Variants in CSGALNACT1 observed in about 807,000 individuals in gnomAD.
CSGALNACT1 encodes beta4GalNAcT-1.
A neutral mutation model predicts 51.0 loss-of-function variants in CSGALNACT1; 52 were observed. The observed-to-expected ratio is 1.02, with a 90% confidence interval of 0.82 to 1.29. CSGALNACT1 has a LOEUF of 1.29. Ranked by LOEUF, CSGALNACT1 falls within the 50% of genes most tolerant of loss-of-function variation. The probability of loss-of-function intolerance (pLI) is 0.00; values close to 1 mark genes in which losing one functional copy is unlikely to be tolerated. For synonymous variants in CSGALNACT1, 341 were observed against 254.4 expected (o/e 1.34, Z -3.24); for missense variants, 935 against 679.2 (o/e 1.38, Z -4.19).
intron 1 of CSGALNACT1, among the ~76,000 whole-genome samples, chr8:19,701,173 T>TTTTTTTTTTTTTCA (rs1589591748): frequency 1.3e-5 from 2 of 148,814 alleles, no homozygotes; most frequent in Admixed American, 6.8e-5. Context: ...TTTTTTTTTT[T>TTTTTTTTTTTTTCA]GATACAGAGT....
chr8:19,603,938 C>T (rs557594269), upstream of CSGALNACT1, among the ~76,000 whole-genome samples: 2 of 152,344 alleles, frequency 1.3e-5, no homozygotes, highest in South Asian at 4.1e-4. Flanking sequence ...GTTTTCTCAT[C>T]TACACACAGT....
intron 1 of CSGALNACT1, among the ~76,000 whole-genome samples, chr8:19,751,788 G>A (rs1355553919): frequency 1.3e-5 from 2 of 152,004 alleles, no homozygotes; most frequent in Non-Finnish European, 1.5e-5. Flanking sequence ...TCTCTCTCCT[G>A]TTGCCATGTG....
intron 1 of CSGALNACT1, among the ~76,000 whole-genome samples, chr8:19,611,661 T>C (rs1201770850): frequency 3.9e-5 from 6 of 152,254 alleles, no homozygotes. Context: ...TCTGGCCCTC[T>C]TCTTCATGAA....
chr8:19,566,738 A>G (rs1345557642), intron 3 of CSGALNACT1, among the ~76,000 whole-genome samples: 2 of 152,164 alleles, frequency 1.3e-5, no homozygotes, highest in African/African-American at 4.8e-5. Flanking sequence ...CCCATCTGAA[A>G]ATACAAGATT....
At chr8:19,586,407 GAAA>G (rs34752027) in intron 3 of CSGALNACT1, among the ~76,000 whole-genome samples, 10 of 94,834 alleles carry the variant, frequency 1.1e-4, no homozygotes, top group African/African-American at 2.7e-4. Context: ...TAGTCTTATA[GAAA>G]AAAAAAAAAA....
At chr8:19,445,693 T>C (rs1280604536) in intron 5 of CSGALNACT1, among the ~76,000 whole-genome samples, 5 of 152,220 alleles carry the variant, frequency 3.3e-5, no homozygotes, top group Admixed American at 6.5e-5. Flanking sequence ...CTATCTGTAA[T>C]ATAACTAACA....
intron 1 of CSGALNACT1, among the ~76,000 whole-genome samples, chr8:19,647,652 T>C (rs2057398415): frequency 6.6e-6 from 1 of 152,192 alleles, no homozygotes; most frequent in Non-Finnish European, 1.5e-5. Context: ...TAAAATTCAA[T>C]GGCTGCATAA....
intron 1 of CSGALNACT1, among the ~76,000 whole-genome samples, chr8:19,697,941 G>C (rs972263610): frequency 6.6e-6 from 1 of 152,166 alleles, no homozygotes; most frequent in Non-Finnish European, 1.5e-5. Flanking sequence ...GAAGCAAGGA[G>C]GAAGATCAAG....
Position 19,653,731 on chromosome 8 carries a change from C to T in CSGALNACT1, c.-544+28742G>A, listed in dbSNP as rs371634215. Among the ~76,000 whole-genome samples the T allele has an allele frequency of 5.3e-5, 8 of 151,764 alleles. No individual in the cohort carries two copies. In the East Asian group the frequency reaches 1.6e-3, roughly 29 times the overall value. ...ATTGCTTAAGCCCAGGGGATCAAGG[C>T]TACAATCGGTGAACCGTGATTTTGC... On this transcript the variant is annotated intron_variant, in intron 1 of 9. Coordinates refer to the CSGALNACT1 transcript ENST00000332246.
At chr8:19,570,355 T>C (rs920180815) in intron 3 of CSGALNACT1, among the ~76,000 whole-genome samples, 3 of 152,184 alleles carry the variant, frequency 2.0e-5, no homozygotes, top group African/African-American at 7.2e-5. Context: ...GCTTGAACAC[T>C]TGAAAGGATT....
intron 4 of CSGALNACT1, among the ~76,000 whole-genome samples, chr8:19,486,146 A>C (rs987148050): frequency 5.3e-5 from 8 of 152,036 alleles, no homozygotes; most frequent in Non-Finnish European, 1.0e-4. Flanking sequence ...AACAAAAAAA[A>C]CAGCCACAGA....
intron 1 of CSGALNACT1, among the ~76,000 whole-genome samples, chr8:19,680,772 C>A (rs1383474526): frequency 6.6e-6 from 1 of 152,080 alleles, no homozygotes. Flanking sequence ...AATGTACTCA[C>A]ACAAACCTAC....
At chr8:19,548,555 C>G (rs183825984) in intron 3 of CSGALNACT1, among the ~76,000 whole-genome samples, 1,148 of 110,536 alleles carry the variant, frequency 0.01, 15 homozygotes, top group African/African-American at 0.032. Context: ...GTTAGTTTTT[C>G]TCAAATATTA....
At chr8:19,653,599 G>C (rs939268225) in intron 1 of CSGALNACT1, among the ~76,000 whole-genome samples, 53 of 152,274 alleles carry the variant, frequency 3.5e-4, no homozygotes, top group African/African-American at 1.3e-3. Context: ...TTAGAGACCA[G>C]TCTGGGCAAC....
At chr8:19,603,124 A>AT (rs1388676273), upstream of CSGALNACT1, among the ~76,000 whole-genome samples, 34 of 151,374 alleles carry the variant, frequency 2.2e-4, no homozygotes, top group Middle Eastern at 0.017. Flanking sequence ...AATTAAAAAA[A>AT]AAAAAAAGTA....
intron 1 of CSGALNACT1, chr8:19,678,617 T>C (rs2060367548): frequency 6.6e-6 from 1 of 152,178 alleles, no homozygotes; most frequent in South Asian, 2.1e-4. Context: ...AATAAAGTCA[T>C]CACTGGTGGG....
At chr8:19,670,649 A>AC (rs1464262113) in intron 1 of CSGALNACT1, among the ~76,000 whole-genome samples, 2 of 94,690 alleles carry the variant, frequency 2.1e-5, no homozygotes, top group Admixed American at 1.1e-4. Flanking sequence ...ACTACTGAAG[A>AC]CAAAAAAAAA....
intron 1 of CSGALNACT1, among the ~76,000 whole-genome samples, chr8:19,637,136 G>A (rs951111273): frequency 3.9e-5 from 6 of 152,170 alleles, no homozygotes; most frequent in Non-Finnish European, 8.8e-5. Context: ...AACCCAGGAG[G>A]CAGAGGTTGT....
At chr8:19,495,883 G>C (rs2075359231) in intron 4 of CSGALNACT1, among the ~76,000 whole-genome samples, 1 of 152,152 alleles carries the variant, frequency 6.6e-6, no homozygotes, top group Non-Finnish European at 1.5e-5. Flanking sequence ...AGTTCTGGAA[G>C]GAACAAGATA....
Sources: gnomAD v4.1 joint callset for allele counts (sites outside exome capture counted in the v4.1 genomes callset) on GRCh38, gnomAD v4.1.1 for gene constraint, MANE v1.5 for transcripts, NCBI Gene and HGNC (gene_info 2026-07-23, HGNC 2026-07-21) for gene names.